PCDHGA9: variants seen among roughly 807,000 people sequenced by gnomAD.
PCDHGA9 encodes protocadherin gamma subfamily A, 9.
Under a neutral mutation model 62.5 loss-of-function variants are expected in PCDHGA9, and 37 were observed. That is an observed-to-expected ratio of 0.59 (90% confidence interval 0.46 to 0.78). PCDHGA9 has a LOEUF of 0.78. Among genes scored for constraint, PCDHGA9 ranks in the 30% least tolerant of loss-of-function variants. PCDHGA9 has a pLI of 0.00. For synonymous variants in PCDHGA9, 459 were observed against 484.6 expected (o/e 0.95, Z 0.69); for missense variants, 1,138 against 1,166.2 (o/e 0.98, Z 0.35).
rs886365174 is a variant in PCDHGA9, at chr5:141,402,880, A to G, written c.-73A>G. 2 of 1,474,944 alleles carry G rather than the reference A, an allele frequency of 1.4e-6. No individual in the cohort carries two copies. Among genetic ancestry groups the G allele is most frequent in the Non-Finnish European group, 1.8e-6 (2 of 1,113,080 alleles). The allele number at this position is 1,474,944 out of a possible 1,614,324, so 91.4% of individuals were successfully genotyped here. A position where few individuals can be genotyped will look rare whatever the true frequency, so the allele number is the denominator to read the frequency against. On this transcript the variant is annotated 5_prime_UTR_variant, in exon 1 of 4. Coordinates refer to ENST00000573521, the MANE Select transcript of PCDHGA9 (RefSeq NM_018921.3). ...TAAGGAAAAGATCACCATACTTTGCAGGGTGGAAGAAAGAACCTGATGAAG... is the reference window on the plus strand; with the variant it reads ...TAAGGAAAAGATCACCATACTTTGCGGGGTGGAAGAAAGAACCTGATGAAG...
Position 141,477,209 on chromosome 5 carries a change from G to A in PCDHGA9, c.2425-17598G>A. ...CGTGTACAGCCCAGTACCCGAGGAT[G>A]CCCCTCTGGGGACTGTCATCGCTTT... is the stretch of plus-strand genomic sequence containing the variant. On this transcript the variant is annotated intron_variant, in intron 1 of 3. Coordinates refer to ENST00000573521, the MANE Select transcript of PCDHGA9 (RefSeq NM_018921.3). This position sits in a 1 kb window ranked among gnomAD's most constrained non-coding sequence, Gnocchi z 4.9. The A allele has an allele frequency of 6.2e-7, 1 of 1,614,194 alleles. No homozygotes were observed.
intron 1 of PCDHGA9, chr5:141,419,118 T>C: frequency 6.2e-7 from 1 of 1,613,806 alleles, no homozygotes; most frequent in South Asian, 1.1e-5. Context: ...GAGTACAACG[T>C]CACCATCGCA....
chr5:141,426,772 C>T, intron 1 of PCDHGA9: 1 of 456,686 alleles, frequency 2.2e-6, no homozygotes, highest in South Asian at 1.5e-5. Context: ...GATGTAGGGC[C>T]TCACTCTCTC....
intron 1 of PCDHGA9, chr5:141,440,087 A>C (rs1014881024): frequency 6.6e-6 from 1 of 152,316 alleles, no homozygotes; most frequent in African/African-American, 2.4e-5. Context: ...CTTCATTCTA[A>C]GTGGGGAAAG....
intron 1 of PCDHGA9, chr5:141,422,103 A>C: frequency 6.2e-7 from 1 of 1,608,206 alleles, no homozygotes; most frequent in Admixed American, 1.7e-5. Context: ...CTTCTGAAAT[A>C]TTCCAATTGG....
Position 141,403,939 on chromosome 5 carries a change from G to C in PCDHGA9, c.987G>C (p.Gly329=). 6.2e-7 allele frequency: 1 copy of C among 1,613,852 alleles called. No individual in the cohort carries two copies. The highest frequency in any genetic ancestry group is 8.5e-7 in the Non-Finnish European group (1 of 1,179,876). Residue 329 remains glycine (G), a synonymous_variant, in exon 1 of 4, where the codon GGG becomes GGC. Transcript: ENST00000573521. ...CTGAAGATGGTGGGGGATTGAAAGG[G>C]TGGACAAAAGTGCTCATTTCGGTGG... ...IQAEDGGGLK[G]WTKVLISVED...
At position 141,403,517 on chromosome 5, in the gene PCDHGA9, G is replaced by A; in HGVS notation, c.565G>A (p.Ala189Thr). The A allele has an allele frequency of 6.2e-7, 1 of 1,614,030 alleles. No homozygotes were observed. The highest frequency in any genetic ancestry group is 8.5e-7 in the Non-Finnish European group (1 of 1,179,894). ...SLNVQTGDNG[A>T]INPELVLERA... ...GAACGTGCAGACTGGAGACAATGGA[G>A]CCATAAACCCAGAGCTGGTGCTGGA... The change falls in exon 1 of 4, where the codon GCC becomes ACC. Residue 189 changes from alanine to threonine, a missense_variant. Ala to Thr is a moderately conservative substitution (Grantham distance 58, BLOSUM62 0). Transcript: ENST00000573521.
At chr5:141,443,538 G>C (rs768723399) in intron 1 of PCDHGA9, among the ~76,000 whole-genome samples, 11 of 152,118 alleles carry the variant, frequency 7.2e-5, no homozygotes. Flanking sequence ...TTTAAAGCTT[G>C]GGAAATTGTT....
At chr5:141,423,415 G>A (rs779262475) in intron 1 of PCDHGA9, 103 of 1,614,016 alleles carry the variant, frequency 6.4e-5, no homozygotes, top group African/African-American at 1.2e-4. Context: ...GCAGGCTTCT[G>A]AAGGCGGGTT....
At chr5:141,471,786 A>G (rs1043196530) in intron 1 of PCDHGA9, among the ~76,000 whole-genome samples, 6 of 152,244 alleles carry the variant, frequency 3.9e-5, no homozygotes, top group African/African-American at 1.4e-4. Flanking sequence ...ACATTATGCT[A>G]TGTCATATAA....
In PCDHGA9 at chr5:141,413,895, T is replaced by C. The variant is rs749075692; in HGVS notation, c.2424+8519T>C. On this transcript the variant is annotated intron_variant, in intron 1 of 3. Transcript: ENST00000573521. ...TCAGTGTGACTGTCTTCGATGCAAATGACAACGCGCCGGTCTTCACCTTGC... is the reference window on the plus strand; with the variant it reads ...TCAGTGTGACTGTCTTCGATGCAAACGACAACGCGCCGGTCTTCACCTTGC... 7 of 1,613,190 alleles carry C rather than the reference T, an allele frequency of 4.3e-6. No individual in the cohort carries two copies. The South Asian group carries it at 6.6e-5, about 15-fold the overall frequency.
Position 141,485,210 on chromosome 5 carries a change from C to G in PCDHGA9, c.2425-9597C>G. 2 of 1,614,058 alleles carry G rather than the reference C, an allele frequency of 1.2e-6. No individual in the cohort carries two copies. The highest frequency in any genetic ancestry group is 1.7e-6 in the Non-Finnish European group (2 of 1,179,934). On this transcript the variant is annotated intron_variant, in intron 1 of 3. Transcript: ENST00000573521. The surrounding 1 kb of genome is among the most constrained non-coding windows in gnomAD (Gnocchi z 5.7). ...GGTGAGAAGCTGGACAGAAATCTGG[C>G]GGTGGGCTACCCTTTTGTTCCTCTT...
At chr5:141,478,497 C>T in intron 1 of PCDHGA9, 1 of 1,612,820 alleles carries the variant, frequency 6.2e-7, no homozygotes, top group Non-Finnish European at 8.5e-7. Context: ...AGCTGTGATC[C>T]GGTGTTCTAT....
rs765972156 is a variant in PCDHGA9, at chr5:141,432,960, G to A, written c.2424+27584G>A. 3.1e-6 allele frequency: 5 copies of A among 1,614,070 alleles called. No individual in the cohort carries two copies. The East Asian group carries it at 6.7e-5, about 22-fold the overall frequency. On this transcript the variant is annotated intron_variant, in intron 1 of 3. Transcript: ENST00000573521. This position sits in a 1 kb window ranked among gnomAD's most constrained non-coding sequence, Gnocchi z 6.0. ...CAGGCTTCAGGAGGCGGCTTGACAG[G>A]AGCGCCGGCGTCGCACTTTGTGGGC...
chr5:141,452,830 T>A (rs2098749929), intron 1 of PCDHGA9, among the ~76,000 whole-genome samples: 1 of 152,166 alleles, frequency 6.6e-6, no homozygotes, highest in South Asian at 2.1e-4. Context: ...CAAAATCACT[T>A]GGTCCAGCCC....
chr5:141,485,566 C>G lies in PCDHGA9; in HGVS notation c.2425-9241C>G, dbSNP rs768144422. On this transcript the variant is annotated intron_variant, in intron 1 of 3. Transcript: ENST00000573521. This position sits in a 1 kb window ranked among gnomAD's most constrained non-coding sequence, Gnocchi z 5.7. ...TCGTAGATGTGAATGATCACGCCCC[C>G]CGTTTTCCGCGGCAGCAGCTGGACT... 2.5e-6 allele frequency: 4 copies of G among 1,612,808 alleles called. No homozygotes were observed. Among genetic ancestry groups the G allele is most frequent in the South Asian group, 2.2e-5 (2 of 91,028 alleles).
chr5:141,453,021 A>G (rs1008711775), intron 1 of PCDHGA9, among the ~76,000 whole-genome samples: 1 of 152,200 alleles, frequency 6.6e-6, no homozygotes, highest in Non-Finnish European at 1.5e-5. Context: ...TATGTGATTC[A>G]TTAAAATAAA....
At chr5:141,406,989 T>C (rs1402069577) in intron 1 of PCDHGA9, among the ~76,000 whole-genome samples, 2 of 152,236 alleles carry the variant, frequency 1.3e-5, no homozygotes, top group Non-Finnish European at 2.9e-5. Context: ...TCACAAGACA[T>C]TTGAAAATAA....
chr5:141,409,766 C>G, intron 1 of PCDHGA9: 1 of 1,612,910 alleles, frequency 6.2e-7, no homozygotes, highest in Non-Finnish European at 8.5e-7. Context: ...CGCCTTTGAT[C>G]ACGAGCAGCT....
Sources: gnomAD v4.1 joint callset for allele counts (sites outside exome capture counted in the v4.1 genomes callset) on GRCh38, gnomAD v4.1.1 for gene constraint, Gnocchi (gnomAD v3.1) non-coding constraint, MANE v1.5 for transcripts, NCBI Gene and HGNC (gene_info 2026-07-23, HGNC 2026-07-21) for gene names.